The following DPP10 variants were observed in gnomAD, a reference collection of about 807,000 sequenced individuals.
DPP10 encodes the protein dipeptidyl peptidase like 10, also known as inactive dipeptidyl peptidase 10.
A neutral mutation model predicts 120.9 loss-of-function variants in DPP10; 33 were observed. That is an observed-to-expected ratio of 0.27 (90% confidence interval 0.21 to 0.37). The LOEUF is 0.37. Among genes scored for constraint, DPP10 ranks in the 10% least tolerant of loss-of-function variants. The pLI is 1.00. For missense variants in DPP10, 816 were observed against 942.8 expected (o/e 0.87, Z 1.76); for synonymous variants, 337 against 326.1 (o/e 1.03, Z -0.36).
rs116141010 is a variant in DPP10, at chr2:114,813,197, T to A, written c.60+370359T>A. 5.4e-3 allele frequency among the ~76,000 whole-genome samples: 820 copies of A among 152,274 alleles called. 9 individuals are homozygous for A. Among genetic ancestry groups the A allele is most frequent in the African/African-American group, 0.019 (774 of 41,552 alleles). The stretch of plus-strand genomic sequence containing the variant: ...GAAACAATGATTTTTTGATAATGAG[T>A]GAGCACTCTGAATTGAAAATGATAT... On this transcript the variant is annotated intron_variant, in intron 1 of 25. Transcript: ENST00000410059.
At chr2:114,922,820 G>A (rs376869297) in intron 1 of DPP10, among the ~76,000 whole-genome samples, 65 of 152,162 alleles carry the variant, frequency 4.3e-4, no homozygotes, top group African/African-American at 1.3e-3. Flanking sequence ...TTGCTTCTAC[G>A]TTTTGGCTAC....
intron 1 of DPP10, among the ~76,000 whole-genome samples, chr2:114,845,776 T>C (rs1173810583): frequency 6.6e-6 from 1 of 152,168 alleles, no homozygotes; most frequent in Non-Finnish European, 1.5e-5. Context: ...TCTAAATAGA[T>C]ACTTTCTCAG....
chr2:114,648,488 G>A (rs1573879960), intron 1 of DPP10, among the ~76,000 whole-genome samples: 1 of 152,094 alleles, frequency 6.6e-6, no homozygotes, highest in South Asian at 2.1e-4. Flanking sequence ...TCCAGTACCA[G>A]TTCCCACTAA....
At chr2:114,790,050 G>C (rs1034322411) in intron 1 of DPP10, among the ~76,000 whole-genome samples, 1 of 152,130 alleles carries the variant, frequency 6.6e-6, no homozygotes, top group Non-Finnish European at 1.5e-5. Flanking sequence ...GACTACTAAA[G>C]GAAACAGTAC....
chr2:114,543,951 T>C (rs1238796712), intron 1 of DPP10, among the ~76,000 whole-genome samples: 1 of 152,040 alleles, frequency 6.6e-6, no homozygotes, highest in Non-Finnish European at 1.5e-5. Flanking sequence ...CAGGATTCAT[T>C]TTTCTAATTC....
intron 2 of DPP10, among the ~76,000 whole-genome samples, chr2:115,321,515 G>GTTTTTTTTTTT (rs35046366): frequency 6.6e-5 from 8 of 121,590 alleles, no homozygotes; most frequent in Non-Finnish European, 9.8e-5. Context: ...TTTTTTTAGT[G>GTTTTTTTTTTT]TTTTTTTTTT....
intron 1 of DPP10, among the ~76,000 whole-genome samples, chr2:114,702,202 G>A (rs1482288486): frequency 6.6e-6 from 1 of 152,104 alleles, no homozygotes; most frequent in African/African-American, 2.4e-5. Flanking sequence ...TACTTAGTAG[G>A]TATTCAGTAC....
chr2:115,384,462 GA>G (rs1394707643), intron 3 of DPP10, among the ~76,000 whole-genome samples: 22 of 65,870 alleles, frequency 3.3e-4, no homozygotes, highest in Non-Finnish European at 8.1e-4. Context: ...GAAGAAGGAA[GA>G]AGAAGGAAGA....
intron 1 of DPP10, among the ~76,000 whole-genome samples, chr2:114,962,425 G>C (rs780425700): frequency 9.2e-5 from 14 of 152,304 alleles, no homozygotes; most frequent in Non-Finnish European, 1.9e-4. Context: ...AAGGGAAAGG[G>C]ACATGGGGTT....
chr2:115,057,133 A>G (rs1705987731), intron 1 of DPP10, among the ~76,000 whole-genome samples: 2 of 152,172 alleles, frequency 1.3e-5, no homozygotes, highest in Non-Finnish European at 2.9e-5. Flanking sequence ...TTACAGCTGC[A>G]TCTGCTATTT....
intron 3 of DPP10, among the ~76,000 whole-genome samples, chr2:115,396,214 C>T (rs759906182): frequency 1.3e-5 from 2 of 152,152 alleles, no homozygotes; most frequent in African/African-American, 2.4e-5. Context: ...TGTCCTTATA[C>T]CTCAGTGTTC....
At chr2:115,550,075 G>C (rs566839192) in intron 5 of DPP10, among the ~76,000 whole-genome samples, 1 of 152,232 alleles carries the variant, frequency 6.6e-6, no homozygotes, top group African/African-American at 2.4e-5. Context: ...CATACAAAAA[G>C]GGGGAGAGAC....
intron 1 of DPP10, among the ~76,000 whole-genome samples, chr2:114,577,585 A>C (rs1435201126): frequency 1.3e-5 from 2 of 151,178 alleles, no homozygotes; most frequent in African/African-American, 4.9e-5. Context: ...ACATGTCTCT[A>C]TTTTTTTTTA....
intron 1 of DPP10, among the ~76,000 whole-genome samples, chr2:114,572,487 A>G (rs1689732437): frequency 6.6e-6 from 1 of 152,226 alleles, no homozygotes; most frequent in Admixed American, 6.5e-5. Context: ...ATGAAGATAA[A>G]TAAATGCCTA....
At chr2:115,160,913 G>A (rs1329561274) in intron 1 of DPP10, among the ~76,000 whole-genome samples, 4 of 152,140 alleles carry the variant, frequency 2.6e-5, no homozygotes, top group African/African-American at 9.7e-5. Flanking sequence ...GAGCCTCACA[G>A]TGTGTTTGGC....
At chr2:114,907,165 A>G (rs967771654) in intron 1 of DPP10, among the ~76,000 whole-genome samples, 6 of 151,990 alleles carry the variant, frequency 3.9e-5, no homozygotes, top group African/African-American at 1.4e-4. Flanking sequence ...CTGTAAGGTC[A>G]GTAGTAATTT....
At chr2:115,156,058 T>C (rs1318786494) in intron 1 of DPP10, among the ~76,000 whole-genome samples, 24 of 152,202 alleles carry the variant, frequency 1.6e-4, no homozygotes, top group Non-Finnish European at 3.5e-4. Context: ...GTGTGACAGA[T>C]TGACAGACAG....
rs929475100 is a variant in DPP10 at position 114,853,360 on chromosome 2, T to C, written c.60+410522T>C. On this transcript the variant is annotated intron_variant, in intron 1 of 25. Transcript: ENST00000410059. ...GCTGGCTCTGAGACTTTCACTATGA[T>C]ATACATCAGCAAGACCATCATTCTG... Among the ~76,000 whole-genome samples, 5 of 152,170 alleles carry C rather than the reference T, an allele frequency of 3.3e-5. No individual in the cohort carries two copies. In the South Asian group the frequency reaches 6.2e-4, roughly 19 times the overall value.
chr2:114,706,347 A>G (rs1010267827), intron 1 of DPP10, among the ~76,000 whole-genome samples: 32 of 152,244 alleles, frequency 2.1e-4, no homozygotes, highest in Admixed American at 1.3e-3. Flanking sequence ...ATTGTTTAAA[A>G]TAACAGTAAT....
Sources: allele counts gnomAD v4.1 joint callset (sites outside exome capture counted in the v4.1 genomes callset), GRCh38; gene constraint gnomAD v4.1.1; transcripts MANE v1.5; gene names NCBI Gene and HGNC (gene_info 2026-07-23, HGNC 2026-07-21).